Variants in FDFT1 observed in about 807,000 individuals in gnomAD.
FDFT1 encodes the protein squalene synthase.
In FDFT1, 68 loss-of-function variants were observed where a neutral mutation model predicts 46.8. That is an observed-to-expected ratio of 1.45 (90% confidence interval 1.19 to 1.78). FDFT1 has a LOEUF of 1.78. Among genes scored for constraint, FDFT1 ranks in the 40% most tolerant of loss-of-function variants. The pLI is 0.00. For synonymous variants in FDFT1, 351 were observed against 185.1 expected, an observed-to-expected ratio of 1.90 and a Z score of -7.28; for missense variants, 928 against 524.4, an observed-to-expected ratio of 1.77 and a Z score of -7.52.
rs146968242 is a variant in FDFT1, at chr8:11,821,857, C to G, written c.489C>G (p.Thr163=). The G allele has an allele frequency of 1.2e-6, 2 of 1,613,276 alleles. No individual in the cohort carries two copies. Among genetic ancestry groups the G allele is most frequent in the Admixed American group, 1.7e-5 (1 of 59,980 alleles). ...GMAEFLDKHV[T]SEQEWDKYCH... is the part of the protein sequence containing the mutation. ...CAGAGTTTTTGGATAAGCATGTGAC[C>G]TCTGAACAGGAGTGGGACAAGGTTA... Residue 163 remains threonine, a synonymous_variant, in exon 4 of 8, where the codon ACC becomes ACG. Transcript: ENST00000220584.
In FDFT1 at chr8:11,824,454, A is replaced by C. The variant is rs186132356; in HGVS notation, c.511-1570A>C. 4.3e-3 allele frequency among the ~76,000 whole-genome samples: 661 copies of C among 152,346 alleles called. 5 individuals are homozygous for C. The highest frequency in any genetic ancestry group is 5.1e-3 in the Non-Finnish European group (349 of 68,032). On this transcript the variant is annotated intron_variant, in intron 4 of 7. Transcript: ENST00000220584. ...GCAAAGTTGTTAAAGCCTGACACTT[A>C]AGTCATACTACCTAGTTTTGAACTC...
At chr8:11,829,834 G>GTT (rs140084347) in intron 5 of FDFT1, among the ~76,000 whole-genome samples, 176 of 150,498 alleles carry the variant, frequency 1.2e-3, no homozygotes, top group African/African-American at 4.0e-3. Context: ...ATATCATAGT[G>GTT]TTTTTTTTTG....
At chr8:11,807,351 C>G (rs532452791) in intron 1 of FDFT1, among the ~76,000 whole-genome samples, 1 of 151,926 alleles carries the variant, frequency 6.6e-6, no homozygotes, top group Non-Finnish European at 1.5e-5. Context: ...TTTATGAACA[C>G]GAGGTCTCAC....
chr8:11,835,068 G>A (rs550464434), intron 7 of FDFT1, among the ~76,000 whole-genome samples: 1 of 152,306 alleles, frequency 6.6e-6, no homozygotes, highest in South Asian at 2.1e-4. Flanking sequence ...AGGTTGTAGT[G>A]AGCTGAGATG....
In FDFT1 at chr8:11,809,791, G is replaced by C. The variant is rs745453575; in HGVS notation, c.322G>C (p.Asp108His). ...HNFHSFLYQPDWRFMESKEKD... is the reference protein window; with the variant it reads ...HNFHSFLYQPHWRFMESKEKD... ...CTTTCACTCTTTCCTTTACCAACCAGACTGGCGGTTCATGGAGAGCAAGGA... is the reference window on the plus strand; with the variant it reads ...CTTTCACTCTTTCCTTTACCAACCACACTGGCGGTTCATGGAGAGCAAGGA... The change falls in exon 3 of 8, where the codon GAC (aspartate) becomes CAC (histidine). Residue 108 changes from aspartate (D) to histidine (H), a missense_variant. Transcript: ENST00000220584. 8.1e-6 allele frequency: 13 copies of C among 1,614,072 alleles called. No homozygotes were observed. The South Asian group carries it at 8.8e-5, about 11-fold the overall frequency.
At chr8:11,804,658 C>T (rs1455459225) in intron 1 of FDFT1, among the ~76,000 whole-genome samples, 2 of 122,062 alleles carry the variant, frequency 1.6e-5, no homozygotes, top group Non-Finnish European at 3.1e-5. Flanking sequence ...GGCTGGAGTG[C>T]AGTGGTGGCG....
Position 11,809,649 on chromosome 8 carries a change from G to C in FDFT1, c.198-18G>C, listed in dbSNP as rs375514114. The C allele has an allele frequency of 3.8e-6, 6 of 1,578,704 alleles. No homozygotes were observed. Among genetic ancestry groups the C allele is most frequent in the Non-Finnish European group, 5.2e-6 (6 of 1,164,596 alleles). On this transcript the variant is annotated intron_variant, in intron 2 of 7. Coordinates refer to ENST00000220584, the MANE Select transcript of FDFT1 (RefSeq NM_004462.5). ...GGCTGTTTGTTCCAATATATTAATA[G>C]TTTTCCCTTTTTTACAGCAACGCAG...
chr8:11,833,684 C>G (rs1290083199), intron 7 of FDFT1, among the ~76,000 whole-genome samples: 2 of 152,172 alleles, frequency 1.3e-5, no homozygotes, highest in Non-Finnish European at 2.9e-5. Context: ...ACAGCCACAC[C>G]CATTTGCTTC....
At chr8:11,815,655 T>C (rs1808342939) in intron 3 of FDFT1, among the ~76,000 whole-genome samples, 1 of 152,250 alleles carries the variant, frequency 6.6e-6, no homozygotes, top group South Asian at 2.1e-4. Context: ...GTCTGTTGGC[T>C]GCATAAATGT....
intron 5 of FDFT1, among the ~76,000 whole-genome samples, chr8:11,827,621 G>A (rs1187311671): frequency 2.6e-5 from 4 of 151,924 alleles, no homozygotes; most frequent in Non-Finnish European, 5.9e-5. Context: ...TTAAGAAAAA[G>A]GCCAACTGCC....
intron 1 of FDFT1, among the ~76,000 whole-genome samples, chr8:11,804,046 T>C (rs1345866966): frequency 4.6e-5 from 7 of 152,246 alleles, no homozygotes; most frequent in Non-Finnish European, 8.8e-5. Flanking sequence ...TTAACAAATA[T>C]TTGACGACCA....
chr8:11,802,479 C>T (rs531522069), upstream of FDFT1: 4 of 478,482 alleles, frequency 8.4e-6, no homozygotes, highest in East Asian at 6.2e-5. Flanking sequence ...AACAAAGGCC[C>T]GGCTCCATCA....
In FDFT1 at chr8:11,808,823, C is replaced by A. The variant is rs765417792; in HGVS notation, c.129C>A (p.Cys43Ter). The A allele has an allele frequency of 4.3e-6, 7 of 1,613,886 alleles. No homozygotes were observed. Among genetic ancestry groups the A allele is most frequent in the African/African-American group, 2.7e-5 (2 of 74,934 alleles). Residue 43 changes from cysteine (C) to a stop codon, truncating the protein, a stop_gained, in exon 2 of 8, where the codon TGC becomes TGA. Transcript: ENST00000220584. LOFTEE classifies it high-confidence loss of function. ...QDSLSSSLKT[C>*]YKYLNQTSRS... ...CGCTCAGCAGCAGCCTGAAAACTTGCTACAAGTATCTCAATCAGACCAGTC... is the reference window on the plus strand; with the variant it reads ...CGCTCAGCAGCAGCCTGAAAACTTGATACAAGTATCTCAATCAGACCAGTC...
rs532180135 is a variant in FDFT1, at chr8:11,818,693, T to A, written c.382-3057T>A. On this transcript the variant is annotated intron_variant, in intron 3 of 7. Coordinates refer to ENST00000220584, the MANE Select transcript of FDFT1 (RefSeq NM_004462.5). The stretch of plus-strand genomic sequence containing the variant: ...AGACTAGGATTGCATTCCCTGCTTT[T>A]TTTTTTCGCTTGGTAGATCTTCCTC... Among the ~76,000 whole-genome samples, 4 of 152,310 alleles carry A rather than the reference T, an allele frequency of 2.6e-5. No individual in the cohort carries two copies. In the South Asian group the frequency reaches 8.3e-4, roughly 32 times the overall value.
At chr8:11,808,360 G>T in intron 1 of FDFT1, 1 of 1,235,108 alleles carries the variant, frequency 8.1e-7, no homozygotes, top group Non-Finnish European at 1.0e-6. Flanking sequence ...TGCGGAGCGG[G>T]AGGCCGGGGG....
Position 11,808,904 on chromosome 8 carries a change from G to T in FDFT1, c.197+13G>T. On this transcript the variant is annotated intron_variant, in intron 2 of 7. Coordinates refer to ENST00000220584, the MANE Select transcript of FDFT1 (RefSeq NM_004462.5). ...ATGGGGAAATGCGGTGAGTGATGGA[G>T]GCAGCGCCTCTGGCTTGGAGGAAAG... The T allele has an allele frequency of 6.2e-7, 1 of 1,611,814 alleles. No homozygotes were observed. Among genetic ancestry groups the T allele is most frequent in the Non-Finnish European group, 8.5e-7 (1 of 1,179,012 alleles).
intron 1 of FDFT1, among the ~76,000 whole-genome samples, chr8:11,807,451 C>G (rs914884046): frequency 1.3e-5 from 2 of 152,232 alleles, no homozygotes; most frequent in Non-Finnish European, 2.9e-5. Context: ...GCGTGCGCCA[C>G]TGCACCCGGC....
intron 3 of FDFT1, among the ~76,000 whole-genome samples, chr8:11,820,058 T>C (rs916389990): frequency 1.3e-5 from 2 of 152,202 alleles, no homozygotes; most frequent in African/African-American, 4.8e-5. Context: ...TTGATATTGA[T>C]CCTATTCCTT....
intron 3 of FDFT1, 37 bp downstream of exon 3, chr8:11,809,887 T>A: frequency 6.6e-7 from 1 of 1,511,636 alleles, no homozygotes; most frequent in Non-Finnish European, 9.1e-7. Flanking sequence ...CGGACTGTTG[T>A]GTTCATAATT....
Sources: gnomAD v4.1 joint callset for allele counts (sites outside exome capture counted in the v4.1 genomes callset) on GRCh38, gnomAD v4.1.1 for gene constraint, MANE v1.5 for transcripts, NCBI Gene and HGNC (gene_info 2026-07-23, HGNC 2026-07-21) for gene names.